CDH18: variants seen among roughly 807,000 people sequenced by gnomAD.
CDH18 encodes the protein cadherin 18, also known as cadherin-18.
Under a neutral mutation model 67.9 loss-of-function variants are expected in CDH18, and 31 were observed. That is an observed-to-expected ratio of 0.46 (90% CI 0.34 to 0.62). The LOEUF (loss-of-function observed/expected upper bound fraction) is 0.62. Among genes scored for constraint, CDH18 ranks in the 20% least tolerant of loss-of-function variants. The pLI, the probability that CDH18 is intolerant of heterozygous loss-of-function variation, is 0.01. For missense variants in CDH18, 890 were observed against 975.5 expected, an observed-to-expected ratio of 0.91 and a Z score of 1.17; for synonymous variants, 362 against 347.2, an observed-to-expected ratio of 1.04 and a Z score of -0.48.
At chr5:20,428,666 G>C (rs1283358217) in intron 1 of CDH18, among the ~76,000 whole-genome samples, 2 of 152,100 alleles carry the variant, frequency 1.3e-5, no homozygotes, top group African/African-American at 4.8e-5. Flanking sequence ...TCTCGTCGTG[G>C]TTTTGATTTG....
intron 5 of CDH18, among the ~76,000 whole-genome samples, chr5:19,689,819 T>C (rs1253697979): frequency 6.6e-6 from 1 of 151,830 alleles, no homozygotes; most frequent in Admixed American, 6.6e-5. Context: ...TTAAAATATT[T>C]AGACTGTCTG....
At chr5:20,068,635 TTAAAA>T (rs1343105423) in intron 2 of CDH18, among the ~76,000 whole-genome samples, 5 of 152,162 alleles carry the variant, frequency 3.3e-5, no homozygotes, top group African/African-American at 1.2e-4. Flanking sequence ...TATTTAACAA[TTAAAA>T]TAAGGATAAT....
chr5:19,862,546 A>T (rs931746601), intron 2 of CDH18, among the ~76,000 whole-genome samples: 6 of 152,202 alleles, frequency 3.9e-5, no homozygotes, highest in Non-Finnish European at 7.3e-5. Flanking sequence ...CATTTATGAA[A>T]TAGGAGGATT....
At chr5:19,716,467 C>A (rs967557939) in intron 5 of CDH18, among the ~76,000 whole-genome samples, 14 of 151,988 alleles carry the variant, frequency 9.2e-5, no homozygotes, top group African/African-American at 3.4e-4. Flanking sequence ...TAAGCAGTTT[C>A]TTCATGATAT....
intron 10 of CDH18, among the ~76,000 whole-genome samples, chr5:19,516,329 G>T (rs1745993161): frequency 6.6e-6 from 1 of 152,100 alleles, no homozygotes. Context: ...TTGTGTCTCT[G>T]CCAGGCTTTG....
chr5:19,915,733 CATAG>C (rs1184013257), intron 2 of CDH18, among the ~76,000 whole-genome samples: 13 of 151,176 alleles, frequency 8.6e-5, no homozygotes, highest in Admixed American at 3.3e-4. Flanking sequence ...TGGCAGGCAA[CATAG>C]ATAGATGGAT....
At chr5:19,931,062 T>C (rs1304194167) in intron 2 of CDH18, among the ~76,000 whole-genome samples, 2 of 152,002 alleles carry the variant, frequency 1.3e-5, no homozygotes, top group Non-Finnish European at 2.9e-5. Context: ...AGTAGACAAA[T>C]AGTATTAGTC....
In CDH18 at chr5:19,943,305, T is replaced by C. The variant is rs186183459; in HGVS notation, c.-257+37755A>G. On this transcript the variant is annotated intron_variant, in intron 2 of 12. Transcript: ENST00000382275. Reference sequence around the variant, plus strand: ...TCAAATGTGGTCTCTTGAATCTAAATGCCATTTTTATTCCACTACACCATA... The same window carrying C: ...TCAAATGTGGTCTCTTGAATCTAAACGCCATTTTTATTCCACTACACCATA... Among the ~76,000 whole-genome samples, 111 of 152,258 alleles carry C rather than the reference T, an allele frequency of 7.3e-4. 1 individual carries two copies. Among genetic ancestry groups the C allele is most frequent in the African/African-American group, 2.5e-3 (102 of 41,560 alleles).
At chr5:20,252,870 A>G (rs1580591113) in intron 2 of CDH18, among the ~76,000 whole-genome samples, 1 of 151,618 alleles carries the variant, frequency 6.6e-6, no homozygotes, top group African/African-American at 2.4e-5. Flanking sequence ...CGGGAGGCGG[A>G]GCTTGTAGTG....
intron 5 of CDH18, among the ~76,000 whole-genome samples, chr5:19,628,989 T>C (rs959954662): frequency 9.2e-5 from 14 of 151,824 alleles, no homozygotes; most frequent in South Asian, 6.2e-4. Flanking sequence ...GGATAGAAAT[T>C]GTTCCCTTGC....
intron 11 of CDH18, among the ~76,000 whole-genome samples, chr5:19,500,847 G>A (rs1187209282): frequency 6.6e-6 from 1 of 151,960 alleles, no homozygotes; most frequent in African/African-American, 2.4e-5. Flanking sequence ...TGGGTAATTA[G>A]CGGCCAGTCA....
intron 3 of CDH18, among the ~76,000 whole-genome samples, chr5:19,787,140 CTG>C (rs1170236599): frequency 6.6e-6 from 1 of 152,152 alleles, no homozygotes; most frequent in Admixed American, 6.6e-5. Context: ...TGCCACAACT[CTG>C]AGATATCTTT....
At chr5:19,856,597 T>C (rs1784308058) in intron 2 of CDH18, among the ~76,000 whole-genome samples, 1 of 151,976 alleles carries the variant, frequency 6.6e-6, no homozygotes, top group African/African-American at 2.4e-5. Flanking sequence ...AAAAATAAAG[T>C]CTTCAAAGAG....
chr5:19,514,199 T>A (rs1202566181), intron 10 of CDH18, among the ~76,000 whole-genome samples: 1 of 152,242 alleles, frequency 6.6e-6, no homozygotes, highest in Non-Finnish European at 1.5e-5. Context: ...GGCTGCATAG[T>A]ATTCCATGGT....
intron 3 of CDH18, among the ~76,000 whole-genome samples, chr5:19,767,017 A>C (rs2149724517): frequency 6.6e-6 from 1 of 151,906 alleles, no homozygotes; most frequent in East Asian, 1.9e-4. Context: ...AATAAATATT[A>C]TTAAAAATAA....
At chr5:20,512,419 T>C (rs955630465) in intron 1 of CDH18, among the ~76,000 whole-genome samples, 1 of 152,196 alleles carries the variant, frequency 6.6e-6, no homozygotes. Flanking sequence ...ATTTTTCTTT[T>C]GCAAGTTAAA....
chr5:19,801,977 A>T (rs1777522005), intron 3 of CDH18, among the ~76,000 whole-genome samples: 1 of 152,180 alleles, frequency 6.6e-6, no homozygotes, highest in South Asian at 2.1e-4. Context: ...AATCACCCTC[A>T]TCAATTTAAT....
intron 1 of CDH18, among the ~76,000 whole-genome samples, chr5:20,408,609 A>G (rs1342452775): frequency 6.6e-6 from 1 of 151,880 alleles, no homozygotes; most frequent in Non-Finnish European, 1.5e-5. Context: ...AGAGAAAGAA[A>G]TGAAAGCATA....
At chr5:19,959,791 G>A (rs912542891) in intron 2 of CDH18, among the ~76,000 whole-genome samples, 7 of 152,058 alleles carry the variant, frequency 4.6e-5, no homozygotes, top group Non-Finnish European at 1.0e-4. Flanking sequence ...ACAGATTTGT[G>A]CTTACACAAA....
Sources: allele counts gnomAD v4.1 joint callset (sites outside exome capture counted in the v4.1 genomes callset), GRCh38; gene constraint gnomAD v4.1.1; transcripts MANE v1.5; gene names NCBI Gene and HGNC (gene_info 2026-07-23, HGNC 2026-07-21).